The following CNTN6 variants were observed in gnomAD, a reference collection of about 807,000 sequenced individuals.
CNTN6 encodes contactin 6.
A neutral mutation model predicts 122.8 loss-of-function variants in CNTN6; 137 were observed. The observed-to-expected ratio is 1.12, with a 90% CI of 0.97 to 1.29. CNTN6 has a LOEUF of 1.29. Among genes scored for constraint, CNTN6 ranks in the 50% most tolerant of loss-of-function variants. CNTN6 has a pLI of 0.00. For synonymous variants in CNTN6, 570 were observed against 426.0 expected (o/e 1.34, Z -4.16); for missense variants, 1,634 against 1,223.4 (o/e 1.34, Z -5.01).
intron 2 of CNTN6, among the ~76,000 whole-genome samples, chr3:1,200,652 C>T (rs953860047): frequency 1.3e-5 from 2 of 152,122 alleles, no homozygotes; most frequent in Non-Finnish European, 2.9e-5. Flanking sequence ...TATGTGTATA[C>T]AGAATTTGGA....
intron 1 of CNTN6, among the ~76,000 whole-genome samples, chr3:1,121,244 A>T (rs1399077026): frequency 1.3e-5 from 2 of 151,926 alleles, no homozygotes; most frequent in Non-Finnish European, 2.9e-5. Context: ...CACAGAGTTA[A>T]ACAAATTGAC....
intron 4 of CNTN6, 148 bp downstream of exon 4, chr3:1,228,141 T>A: frequency 1.5e-6 from 1 of 684,816 alleles, no homozygotes; most frequent in Non-Finnish European, 2.3e-6. Context: ...TTTGTGAATC[T>A]AGATTCTTGG....
At chr3:1,097,798 T>C (rs909098149) in intron 1 of CNTN6, among the ~76,000 whole-genome samples, 4 of 152,184 alleles carry the variant, frequency 2.6e-5, no homozygotes, top group Non-Finnish European at 4.4e-5. Context: ...TAGTTATTGT[T>C]ATATTATTAT....
intron 11 of CNTN6, among the ~76,000 whole-genome samples, chr3:1,351,264 C>T (rs564398044): frequency 2.4e-4 from 37 of 151,974 alleles, no homozygotes; most frequent in Middle Eastern, 3.4e-3. Context: ...TTAGAAACAA[C>T]GATATGTTTG....
At chr3:1,400,383 C>T (rs892087385) in intron 20 of CNTN6, among the ~76,000 whole-genome samples, 1 of 152,036 alleles carries the variant, frequency 6.6e-6, no homozygotes, top group Non-Finnish European at 1.5e-5. Flanking sequence ...AACCTGGATT[C>T]TCGTTTTCTT....
chr3:1,393,422 G>C (rs1176544554), intron 20 of CNTN6, among the ~76,000 whole-genome samples: 2 of 121,160 alleles, frequency 1.7e-5, no homozygotes, highest in South Asian at 3.5e-4. Flanking sequence ...TGGGGGGAGG[G>C]GGGAGGGATA....
At chr3:1,194,973 C>T (rs1046326495) in intron 2 of CNTN6, among the ~76,000 whole-genome samples, 3 of 152,090 alleles carry the variant, frequency 2.0e-5, no homozygotes, top group South Asian at 2.1e-4. Context: ...AAAGACTCCC[C>T]TTCCAGCATC....
At chr3:1,270,152 C>G (rs111835234) in intron 4 of CNTN6, among the ~76,000 whole-genome samples, 19 of 152,020 alleles carry the variant, frequency 1.2e-4, no homozygotes, top group Non-Finnish European at 2.5e-4. Flanking sequence ...TATATAGCAT[C>G]CAGAAAACGA....
At chr3:1,308,543 G>C (rs917084919) in intron 7 of CNTN6, among the ~76,000 whole-genome samples, 3 of 151,898 alleles carry the variant, frequency 2.0e-5, no homozygotes, top group Non-Finnish European at 4.4e-5. Context: ...AAGTATGTGT[G>C]TCTATACTAA....
At chr3:1,280,459 A>ATTTTTTTTCTTTTTTT (rs1553654932) in intron 5 of CNTN6, among the ~76,000 whole-genome samples, 3 of 66,652 alleles carry the variant, frequency 4.5e-5, no homozygotes, top group Non-Finnish European at 8.2e-5. Context: ...TGTAATACCA[A>ATTTTTTTTCTTTTTTT]TTTTTTTTTT....
intron 2 of CNTN6, among the ~76,000 whole-genome samples, chr3:1,214,964 C>T (rs1427562047): frequency 7.2e-5 from 11 of 152,090 alleles, no homozygotes; most frequent in Non-Finnish European, 1.5e-4. Context: ...CCCTATAGTA[C>T]CCAGGCTCGG....
chr3:1,311,166 G>T (rs77531547), intron 7 of CNTN6, among the ~76,000 whole-genome samples: 4,982 of 146,874 alleles, frequency 0.034, 292 homozygotes, highest in African/African-American at 0.12. Flanking sequence ...ATACATAGGT[G>T]TATATATAAA....
Position 1,352,306 on chromosome 3 carries a change from G to C in CNTN6, c.1365-18G>C, listed in dbSNP as rs1436747057. On this transcript the variant is annotated intron_variant, in intron 11 of 22. Coordinates refer to ENST00000446702, the MANE Select transcript of CNTN6 (RefSeq NM_001289080.2). ...GTTGAAGAGCCTTACTTCTATTAAT[G>C]ATGTATTTTCTTTTTAGAATATTTC... The C allele has an allele frequency of 1.3e-6, 2 of 1,489,708 alleles. No individual in the cohort carries two copies. Among genetic ancestry groups the C allele is most frequent in the East Asian group, 2.4e-5 (1 of 42,042 alleles). 92.3% of individuals were successfully genotyped at this position (1,489,708 alleles called of 1,614,324 possible).
chr3:1,256,116 C>G (rs549147261), intron 4 of CNTN6, among the ~76,000 whole-genome samples: 1 of 152,104 alleles, frequency 6.6e-6, no homozygotes, highest in Non-Finnish European at 1.5e-5. Flanking sequence ...AATGATCCTT[C>G]TGTCGTGGTC....
intron 4 of CNTN6, among the ~76,000 whole-genome samples, chr3:1,265,680 C>CA (rs2094915711): frequency 6.6e-6 from 1 of 152,144 alleles, no homozygotes; most frequent in African/African-American, 2.4e-5. Flanking sequence ...CTCTCCCCTC[C>CA]ACCAAATCCT....
chr3:1,282,811 A>G lies in CNTN6; in HGVS notation c.454+4303A>G, dbSNP rs181178005. ...CGAGTATCTATTATAATTCTTCCCT[A>G]TTTGGACACCTATCTCAGAAGAATT... On this transcript the variant is annotated intron_variant, in intron 5 of 22. Transcript: ENST00000446702. Among the ~76,000 whole-genome samples the G allele has an allele frequency of 5.9e-5, 9 of 152,148 alleles. No individual in the cohort carries two copies. The East Asian group carries it at 1.7e-3, about 29-fold the overall frequency.
intron 7 of CNTN6, among the ~76,000 whole-genome samples, chr3:1,312,844 G>A (rs953976722): frequency 3.6e-4 from 53 of 146,654 alleles, no homozygotes; most frequent in Admixed American, 1.4e-4. Context: ...ACTGTATGAT[G>A]TTGGGCATAT....
intron 2 of CNTN6, among the ~76,000 whole-genome samples, chr3:1,153,736 AACT>A (rs1253984510): frequency 1.3e-5 from 2 of 152,214 alleles, no homozygotes; most frequent in African/African-American, 4.8e-5. Context: ...AGAGCAAACG[AACT>A]ACCTGAGAGA....
At chr3:1,268,584 GC>G (rs1170354983) in intron 4 of CNTN6, among the ~76,000 whole-genome samples, 2 of 126,714 alleles carry the variant, frequency 1.6e-5, no homozygotes, top group Non-Finnish European at 3.2e-5. Flanking sequence ...TCCAGCCTGG[GC>G]GACAGAGCGA....
Sources: gnomAD v4.1 joint callset for allele counts (sites outside exome capture counted in the v4.1 genomes callset) on GRCh38, gnomAD v4.1.1 for gene constraint, MANE v1.5 for transcripts, NCBI Gene and HGNC (gene_info 2026-07-23, HGNC 2026-07-21) for gene names.